Variants in ANO2 observed in about 807,000 individuals in gnomAD.
ANO2 encodes anoctamin 2.
ANO2 carries 101 observed loss-of-function variants against 124.2 expected under a neutral mutation model. The ratio of observed to expected loss-of-function variants is 0.81; its 90% CI spans 0.69 to 0.96. The LOEUF (loss-of-function observed/expected upper bound fraction) is 0.96, where lower values mean the gene tolerates loss of function less well. ANO2 is among the 40% of genes least tolerant of loss of function. The pLI, the probability that ANO2 is intolerant of heterozygous loss-of-function variation, is 0.00. For synonymous variants in ANO2, 486 were observed against 482.5 expected, an observed-to-expected ratio of 1.01 and a Z score of -0.09; for missense variants, 1,293 against 1,274.5, an observed-to-expected ratio of 1.01 and a Z score of -0.22.
intron 4 of ANO2, among the ~76,000 whole-genome samples, chr12:5,853,166 AT>A (rs55663635): frequency 9.3e-5 from 13 of 140,028 alleles, no homozygotes; most frequent in Non-Finnish European, 9.2e-5. Context: ...CCCTGGGTAG[AT>A]TTTTTTTTTT....
chr12:5,847,279 G>C (rs1298805546), intron 4 of ANO2, among the ~76,000 whole-genome samples: 1 of 152,176 alleles, frequency 6.6e-6, no homozygotes, highest in Non-Finnish European at 1.5e-5. Flanking sequence ...ATCAGTTCTT[G>C]GGTCTTGAGG....
At chr12:5,575,692 C>G in intron 23 of ANO2, 142 bp downstream of exon 23, 2 of 917,200 alleles carry the variant, frequency 2.2e-6, no homozygotes, top group Admixed American at 2.9e-5. Context: ...TATAATCTTA[C>G]GGGACAATCG....
chr12:5,688,602 T>C (rs1948799371), intron 14 of ANO2, among the ~76,000 whole-genome samples: 2 of 152,064 alleles, frequency 1.3e-5, no homozygotes, highest in Admixed American at 6.6e-5. Context: ...ACCCAAAAGG[T>C]GAAAATCTCA....
At chr12:5,937,537 C>G (rs932017057) in intron 1 of ANO2, among the ~76,000 whole-genome samples, 1 of 152,060 alleles carries the variant, frequency 6.6e-6, no homozygotes, top group African/African-American at 2.4e-5. Flanking sequence ...TCCTTTGTCT[C>G]TTTTTCATGG....
rs147498541 is a variant in ANO2 at position 5,938,324 on chromosome 12, T to C, written c.22+6872A>G. Among the ~76,000 whole-genome samples the C allele has an allele frequency of 4.8e-3, 733 of 152,330 alleles. 3 individuals are homozygous for C. The highest frequency in any genetic ancestry group is 5.1e-3 in the Non-Finnish European group (347 of 68,024). ...ATAGCCTGCACTCAGAGGGCTAAAT[T>C]TCTCTTCTTTCAGGGATTGTACTTC... On this transcript the variant is annotated intron_variant, in intron 1 of 24. Coordinates refer to ENST00000682330, the MANE Select transcript of ANO2 (RefSeq NM_001364791.2).
intron 1 of ANO2, among the ~76,000 whole-genome samples, chr12:5,935,448 A>G (rs1261525496): frequency 1.3e-5 from 2 of 152,200 alleles, no homozygotes; most frequent in African/African-American, 2.4e-5. Flanking sequence ...CTAGTGGGGG[A>G]AAATTTTGAG....
At chr12:5,680,768 T>G (rs1291352313) in intron 14 of ANO2, among the ~76,000 whole-genome samples, 1 of 152,122 alleles carries the variant, frequency 6.6e-6, no homozygotes, top group Non-Finnish European at 1.5e-5. Context: ...CATGCAATGA[T>G]GAAAGAAACG....
chr12:5,724,712 G>A lies in ANO2; in HGVS notation c.1545+7808C>T, dbSNP rs570297527. On this transcript the variant is annotated intron_variant, in intron 14 of 24. Transcript: ENST00000682330. The stretch of plus-strand genomic sequence containing the variant: ...AGTAAATTAACACCCCTCTATCCAC[G>A]GCCTCCTCTAGGCTCCTGTCCCCTT... Among the ~76,000 whole-genome samples, 23 of 152,118 alleles carry A rather than the reference G, an allele frequency of 1.5e-4. No individual in the cohort carries two copies. In the South Asian group the frequency reaches 4.2e-3, roughly 27 times the overall value.
At chr12:5,806,639 A>G (rs1179096677) in intron 8 of ANO2, among the ~76,000 whole-genome samples, 1 of 152,234 alleles carries the variant, frequency 6.6e-6, no homozygotes, top group Non-Finnish European at 1.5e-5. Context: ...GACCAGTTAC[A>G]TTCTCGTAAA....
chr12:5,693,751 C>T (rs1329547623), intron 14 of ANO2, among the ~76,000 whole-genome samples: 1 of 152,154 alleles, frequency 6.6e-6, no homozygotes, highest in Non-Finnish European at 1.5e-5. Flanking sequence ...GTTCCTTGCA[C>T]GAGTTTGCTC....
At chr12:5,660,250 T>C (rs1947370972) in intron 14 of ANO2, among the ~76,000 whole-genome samples, 1 of 151,866 alleles carries the variant, frequency 6.6e-6, no homozygotes, top group Non-Finnish European at 1.5e-5. Flanking sequence ...GCCTTTTCTA[T>C]ACCATCATAC....
chr12:5,897,964 G>A (rs1426798914), intron 3 of ANO2, among the ~76,000 whole-genome samples: 2 of 152,046 alleles, frequency 1.3e-5, no homozygotes, highest in Non-Finnish European at 2.9e-5. Context: ...ACCACTGAGT[G>A]AGAAGAAGAT....
chr12:5,903,647 ATGTGTGTGTGTGTG>A (rs143239619), intron 3 of ANO2, among the ~76,000 whole-genome samples: 1 of 148,452 alleles, frequency 6.7e-6, no homozygotes, highest in South Asian at 2.2e-4. Flanking sequence ...ATGTGCAAAG[ATGTGTGTGTGTGTG>A]TGTGTGTGTG....
At chr12:5,756,707 G>A (rs1951593019) in intron 10 of ANO2, among the ~76,000 whole-genome samples, 1 of 152,158 alleles carries the variant, frequency 6.6e-6, no homozygotes, top group Admixed American at 6.5e-5. Context: ...CTGCTTCCAA[G>A]GTCCACTAGA....
At chr12:5,631,473 CT>C (rs1945715277) in intron 16 of ANO2, among the ~76,000 whole-genome samples, 1 of 152,236 alleles carries the variant, frequency 6.6e-6, no homozygotes, top group South Asian at 2.1e-4. Context: ...TGCTGTCCAT[CT>C]TTCCCTGGTC....
chr12:5,645,433 G>A (rs1047605525), intron 15 of ANO2, among the ~76,000 whole-genome samples: 1 of 151,952 alleles, frequency 6.6e-6, no homozygotes, highest in Non-Finnish European at 1.5e-5. Flanking sequence ...GTGAATGTGT[G>A]TGTGTGTGTG....
intron 19 of ANO2, among the ~76,000 whole-genome samples, chr12:5,604,124 A>G (rs1206063612): frequency 6.6e-6 from 1 of 152,114 alleles, no homozygotes; most frequent in Non-Finnish European, 1.5e-5. Context: ...TGAGACATGC[A>G]TAAGAGGTAG....
chr12:5,749,627 C>T (rs1159021065), intron 11 of ANO2, among the ~76,000 whole-genome samples: 1 of 152,214 alleles, frequency 6.6e-6, no homozygotes, highest in Non-Finnish European at 1.5e-5. Flanking sequence ...AATATTAAAA[C>T]ATACTAACCA....
intron 3 of ANO2, among the ~76,000 whole-genome samples, chr12:5,879,821 C>T (rs1306743840): frequency 6.6e-6 from 1 of 152,124 alleles, no homozygotes; most frequent in East Asian, 1.9e-4. Context: ...ATTGTGAAAG[C>T]CTGGGACAAC....
Sources: gnomAD v4.1 joint callset for allele counts (sites outside exome capture counted in the v4.1 genomes callset) on GRCh38, gnomAD v4.1.1 for gene constraint, MANE v1.5 for transcripts, NCBI Gene and HGNC (gene_info 2026-07-23, HGNC 2026-07-21) for gene names.